TDRD5: variants seen among roughly 807,000 people sequenced by gnomAD.
The protein encoded by TDRD5 is tudor domain-containing protein 5.
Under a neutral mutation model 120.6 loss-of-function variants are expected in TDRD5, and 41 were observed. The ratio of observed to expected loss-of-function variants is 0.34; its 90% CI spans 0.26 to 0.44. The LOEUF is 0.44. Among genes scored for constraint, TDRD5 ranks in the 20% least tolerant of loss-of-function variants. The pLI is 1.00. For missense variants in TDRD5, 1,006 were observed against 1,221.2 expected, an observed-to-expected ratio of 0.82 and a Z score of 2.63; for synonymous variants, 430 against 433.7, an observed-to-expected ratio of 0.99 and a Z score of 0.11.
At chr1:179,650,783 T>A in intron 11 of TDRD5, 84 bp from the exon 12 acceptor site, 1 of 1,354,930 alleles carries the variant, frequency 7.4e-7, no homozygotes, top group Non-Finnish European at 1.0e-6. Context: ...AATCTCTAGT[T>A]CATCAGAATT....
Position 179,646,796 on chromosome 1 carries a change from C to G in TDRD5, c.1801-4071C>G, listed in dbSNP as rs548547373. Among the ~76,000 whole-genome samples, 21 of 152,228 alleles carry G rather than the reference C, an allele frequency of 1.4e-4. No homozygotes were observed. The East Asian group carries it at 3.5e-3, about 25-fold the overall frequency. Reference sequence around the variant, plus strand: ...TCAATGTACAAAAATCACAAGCATTCTTATACACCAACAACAGACAGAGAG... The same window carrying G: ...TCAATGTACAAAAATCACAAGCATTGTTATACACCAACAACAGACAGAGAG... On this transcript the variant is annotated intron_variant, in intron 11 of 17. Coordinates refer to ENST00000444136, the MANE Select transcript of TDRD5 (RefSeq NM_001199085.3).
At chr1:179,672,236 A>T (rs1402513539) in intron 17 of TDRD5, among the ~76,000 whole-genome samples, 1 of 152,172 alleles carries the variant, frequency 6.6e-6, no homozygotes, top group African/African-American at 2.4e-5. Context: ...TACCAATAGC[A>T]TAAAAGCATT....
At chr1:179,603,629 T>C (rs1396239251) in intron 4 of TDRD5, among the ~76,000 whole-genome samples, 1 of 152,150 alleles carries the variant, frequency 6.6e-6, no homozygotes, top group Non-Finnish European at 1.5e-5. Flanking sequence ...ATCTATTGAG[T>C]TGATCATGTG....
intron 14 of TDRD5, among the ~76,000 whole-genome samples, chr1:179,654,871 T>G (rs1486545741): frequency 6.6e-6 from 1 of 152,216 alleles, no homozygotes; most frequent in Admixed American, 6.5e-5. Context: ...GGCTTTGATG[T>G]GTTAGTTAAT....
chr1:179,627,956 C>G (rs1201821372), intron 6 of TDRD5, among the ~76,000 whole-genome samples: 1 of 152,102 alleles, frequency 6.6e-6, no homozygotes, highest in African/African-American at 2.4e-5. Flanking sequence ...TTAAAACCCT[C>G]AAAGTAATGG....
At chr1:179,623,872 A>G (rs1676978061) in intron 6 of TDRD5, among the ~76,000 whole-genome samples, 1 of 151,924 alleles carries the variant, frequency 6.6e-6, no homozygotes. Flanking sequence ...CTCCTGCCCT[A>G]AAGCAGTCCT....
chr1:179,688,153 A>T (rs1054218448), intron 17 of TDRD5, among the ~76,000 whole-genome samples: 2 of 152,138 alleles, frequency 1.3e-5, no homozygotes, highest in Non-Finnish European at 2.9e-5. Context: ...TGGTCTTTAC[A>T]ATTTGGCACG....
At chr1:179,611,151 A>C (rs1676254479) in intron 4 of TDRD5, among the ~76,000 whole-genome samples, 1 of 151,918 alleles carries the variant, frequency 6.6e-6, no homozygotes, top group Non-Finnish European at 1.5e-5. Context: ...TCCTGGGTTC[A>C]AGCTATTCTG....
chr1:179,688,529 T>C (rs1372699922), intron 17 of TDRD5, among the ~76,000 whole-genome samples: 3 of 152,196 alleles, frequency 2.0e-5, no homozygotes, highest in Admixed American at 2.0e-4. Context: ...TTTCTTGGAG[T>C]TGCTCTTCTC....
intron 14 of TDRD5, among the ~76,000 whole-genome samples, chr1:179,660,149 C>T (rs894930415): frequency 1.3e-5 from 2 of 150,712 alleles, no homozygotes; most frequent in Non-Finnish European, 3.0e-5. Context: ...CATCTGCCTC[C>T]TCTTTCTTGC....
intron 17 of TDRD5, among the ~76,000 whole-genome samples, chr1:179,690,469 A>G (rs1284368952): frequency 2.0e-5 from 3 of 152,092 alleles, no homozygotes; most frequent in Non-Finnish European, 4.4e-5. Flanking sequence ...TCTCTCACTT[A>G]CCTTCATCCT....
intron 13 of TDRD5, among the ~76,000 whole-genome samples, chr1:179,653,546 TAGG>T (rs1678832126): frequency 6.6e-6 from 1 of 152,320 alleles, no homozygotes; most frequent in South Asian, 2.1e-4. Context: ...ATTACTGGAC[TAGG>T]AGAATTCTTT....
intron 16 of TDRD5, among the ~76,000 whole-genome samples, chr1:179,665,051 T>C (rs1052672272): frequency 2.0e-5 from 3 of 152,190 alleles, no homozygotes; most frequent in African/African-American, 7.2e-5. Context: ...TGTCTTTTCA[T>C]GTGCTTATTG....
At position 179,654,224 on chromosome 1, in the gene TDRD5, T is replaced by C; in HGVS notation, c.2184T>C (p.Ser728=). ...RILQDINDEK[S]LSHLKSESKE... ...AGCAAGATATTAATGATGAAAAGTC[T>C]TTAAGTCATCTTAAATCTGAGTCAA... is the stretch of plus-strand genomic sequence containing the variant. Residue 728 remains serine, a synonymous_variant, in exon 14 of 18, where the codon TCT becomes TCC. Transcript: ENST00000444136. The C allele has an allele frequency of 1.3e-6, 2 of 1,545,954 alleles. No homozygotes were observed. The highest frequency in any genetic ancestry group is 1.7e-6 in the Non-Finnish European group (2 of 1,144,802).
At chr1:179,622,462 AGAT>A (rs1411869701) in intron 6 of TDRD5, among the ~76,000 whole-genome samples, 2 of 152,226 alleles carry the variant, frequency 1.3e-5, no homozygotes. Flanking sequence ...GGAAATTCTG[AGAT>A]GATGCAGATA....
At chr1:179,625,974 A>G (rs1677102267) in intron 6 of TDRD5, among the ~76,000 whole-genome samples, 1 of 152,020 alleles carries the variant, frequency 6.6e-6, no homozygotes, top group Non-Finnish European at 1.5e-5. Context: ...ACAAAAAACC[A>G]AACACCGCAT....
chr1:179,650,807 G>T, intron 11 of TDRD5, 60 bp from the exon 12 acceptor site: 1 of 1,538,768 alleles, frequency 6.5e-7, no homozygotes, highest in Admixed American at 1.7e-5. Flanking sequence ...TGTTGTATAT[G>T]GTTATTATAA....
At chr1:179,689,708 G>A (rs1484765665) in intron 17 of TDRD5, among the ~76,000 whole-genome samples, 2 of 152,120 alleles carry the variant, frequency 1.3e-5, no homozygotes, top group South Asian at 4.1e-4. Context: ...CACTCAATTC[G>A]AGCTTCCTGG....
rs550519270 is a variant in TDRD5, at chr1:179,645,375, G to A, written c.1800+4930G>A. On this transcript the variant is annotated intron_variant, in intron 11 of 17. Coordinates refer to ENST00000444136, the MANE Select transcript of TDRD5 (RefSeq NM_001199085.3). ...GCTGGGATTACAGGCGTGAGCCACC[G>A]CGCCCGGCCATAAACATTTTCCTAA... 4.6e-5 allele frequency among the ~76,000 whole-genome samples: 7 copies of A among 152,130 alleles called. No individual in the cohort carries two copies. In the East Asian group the frequency reaches 1.2e-3, roughly 25 times the overall value.
Sources: allele counts gnomAD v4.1 joint callset (sites outside exome capture counted in the v4.1 genomes callset), GRCh38; gene constraint gnomAD v4.1.1; transcripts MANE v1.5; gene names NCBI Gene and HGNC (gene_info 2026-07-23, HGNC 2026-07-21).